Variants in MYBPC1 observed in about 807,000 individuals in gnomAD.
MYBPC1 encodes the protein myosin binding protein C1.
MYBPC1 carries 52 observed loss-of-function variants against 147.1 expected under a neutral mutation model. The observed-to-expected ratio is 0.35, with a 90% CI of 0.28 to 0.45. The LOEUF is 0.45. Ranked by LOEUF, MYBPC1 falls within the 20% of genes least tolerant of loss-of-function variation. The pLI is 1.00. For synonymous variants in MYBPC1, 477 were observed against 475.9 expected, an observed-to-expected ratio of 1.00 and a Z score of -0.03; for missense variants, 1,228 against 1,440.3, an observed-to-expected ratio of 0.85 and a Z score of 2.39.
intron 1 of MYBPC1, among the ~76,000 whole-genome samples, chr12:101,611,260 T>C (rs1014388441): frequency 1.3e-5 from 2 of 152,256 alleles, no homozygotes; most frequent in Non-Finnish European, 2.9e-5. Context: ...ATGACCAATA[T>C]TTTGTGGATT....
intron 18 of MYBPC1, among the ~76,000 whole-genome samples, chr12:101,653,861 C>T (rs921400095): frequency 2.7e-5 from 4 of 148,962 alleles, no homozygotes; most frequent in African/African-American, 7.4e-5. Context: ...AGTGTGACTC[C>T]GTGGCTTTCT....
chr12:101,629,245 C>A (rs939779426), intron 5 of MYBPC1, 189 bp from the exon 6 acceptor site: 5 of 624,558 alleles, frequency 8.0e-6, no homozygotes, highest in Non-Finnish European at 8.7e-6. Flanking sequence ...GGAAGAGATA[C>A]CCCTGTAAGA....
chr12:101,681,594 T>A (rs2033181), intron 29 of MYBPC1, among the ~76,000 whole-genome samples: 656 of 13,098 alleles, frequency 0.05, 1 homozygote, highest in East Asian at 0.075. Flanking sequence ...ATATATATAT[T>A]TTTTTTTTTT....
At chr12:101,684,347 A>G (rs1357121462) in intron 30 of MYBPC1, 35 bp from the exon 31 acceptor site, 83 of 1,463,588 alleles carry the variant, frequency 5.7e-5, no homozygotes, top group Non-Finnish European at 6.9e-5. Flanking sequence ...AATGCTTACG[A>G]CTTCTCTCTC....
At chr12:101,616,450 T>A (rs908107576) in intron 2 of MYBPC1, among the ~76,000 whole-genome samples, 4 of 152,190 alleles carry the variant, frequency 2.6e-5, no homozygotes, top group African/African-American at 9.6e-5. Context: ...TGCTCAAATG[T>A]CTCCTCCCAA....
rs1894873069 is a variant in MYBPC1, at chr12:101,653,196, T to G, written c.1715T>G (p.Ile572Ser). The change falls in exon 18 of 32, where the codon ATC becomes AGC. Residue 572 changes from isoleucine (I) to serine (S), a missense_variant. Physicochemically the swap from Ile to Ser is moderately radical, Grantham distance 142 (BLOSUM62 -2). Transcript: ENST00000361466. ...VIAGNKLRLE[I>S]PISGEPPPKA... ...GCAGGAAACAAGCTTCGTCTTGAGA[T>G]CCCCATCAGCGGAGAACCACCTCCT... The G allele has an allele frequency of 6.2e-7, 1 of 1,613,968 alleles. No individual in the cohort carries two copies. The highest frequency in any genetic ancestry group is 1.3e-5 in the African/African-American group (1 of 74,874).
intron 28 of MYBPC1, 41 bp downstream of exon 28, chr12:101,678,279 T>G (rs772994705): frequency 1.9e-5 from 30 of 1,608,008 alleles, no homozygotes; most frequent in East Asian, 6.7e-5. Flanking sequence ...GTCCCTGTCT[T>G]GTATTTGTTG....
At chr12:101,634,665 A>T in intron 9 of MYBPC1, 60 bp downstream of exon 9, 1 of 1,346,730 alleles carries the variant, frequency 7.4e-7, no homozygotes, top group East Asian at 2.3e-5. Flanking sequence ...AGGATTTTCA[A>T]ACACATTTCC....
intron 28 of MYBPC1, among the ~76,000 whole-genome samples, chr12:101,679,640 G>A (rs1053048518): frequency 6.6e-6 from 1 of 152,204 alleles, no homozygotes; most frequent in Non-Finnish European, 1.5e-5. Context: ...TACTGATCTT[G>A]CATTATCTGA....
chr12:101,689,123 T>C (rs1951386400), downstream of MYBPC1, among the ~76,000 whole-genome samples: 1 of 152,200 alleles, frequency 6.6e-6, no homozygotes, highest in Non-Finnish European at 1.5e-5. Context: ...GTATTCGTTA[T>C]TGTCAATGTG....
At chr12:101,638,962 C>T (rs989749858) in intron 10 of MYBPC1, among the ~76,000 whole-genome samples, 1 of 143,846 alleles carries the variant, frequency 7.0e-6, no homozygotes, top group African/African-American at 2.5e-5. Context: ...GTTTTCATTG[C>T]GGTAATGACA....
In MYBPC1 at chr12:101,636,692, C is replaced by T; in HGVS notation, c.629C>T (p.Ala210Val). Residue 210 changes from alanine to valine, a missense_variant, in exon 10 of 32, where the codon GCA becomes GTA. By Grantham distance (64) the Ala-to-Val change is moderately conservative. Coordinates refer to ENST00000361466, the MANE Select transcript of MYBPC1 (RefSeq NM_002465.4). ...FKRSGEGQED[A>V]GELDFSGLLK... ...GACAGTGGAGAAGGTCAAGAGGATG[C>T]AGGAGAACTTGACTTTAGTGGTCTC... 1 of 1,613,584 alleles carries T rather than the reference C, an allele frequency of 6.2e-7. No individual in the cohort carries two copies.
chr12:101,642,516 G>A lies in MYBPC1; in HGVS notation c.763G>A (p.Gly255Arg). The A allele has an allele frequency of 6.2e-7, 1 of 1,613,810 alleles. No homozygotes were observed. The highest frequency in any genetic ancestry group is 8.5e-7 in the Non-Finnish European group (1 of 1,179,918). The change falls in exon 11 of 32, where the codon GGA becomes AGA. Residue 255 changes from glycine (G) to arginine (R), a missense_variant. Physicochemically the swap from Gly to Arg is moderately radical, Grantham distance 125. Around this residue, in one of 2 missense-constraint regions of MYBPC1, gnomAD observed 1,077 missense variants for 1,314.2 expected, o/e 0.82. Coordinates refer to ENST00000361466, the MANE Select transcript of MYBPC1 (RefSeq NM_002465.4). ...GTACGAGAAGATCGCCTTCCAGTAT[G>A]GAATCACCGACCTGCGCGGCATGCT... ...SEYEKIAFQY[G>R]ITDLRGMLKR... is the part of the protein sequence containing the mutation.
intron 1 of MYBPC1, among the ~76,000 whole-genome samples, chr12:101,604,394 T>G (rs1881336957): frequency 6.6e-6 from 1 of 152,232 alleles, no homozygotes; most frequent in Non-Finnish European, 1.5e-5. Context: ...AGACTTCATC[T>G]ATTCAGAACA....
intron 24 of MYBPC1, 57 bp downstream of exon 24, chr12:101,670,466 T>A: frequency 1.4e-6 from 2 of 1,384,556 alleles, no homozygotes; most frequent in Non-Finnish European, 2.1e-6. Flanking sequence ...GTTTAGGAAG[T>A]GGGAAGAGGT....
Position 101,607,262 on chromosome 12 carries a change from G to C in MYBPC1, c.26-7234G>C, listed in dbSNP as rs77650473. 0.013 allele frequency among the ~76,000 whole-genome samples: 1,981 copies of C among 152,230 alleles called. 95 individuals are homozygous for C. In the East Asian group the frequency reaches 0.15, roughly 11 times the overall value. On this transcript the variant is annotated intron_variant, in intron 1 of 31. Transcript: ENST00000361466. ...GTCCAGGTTGGAGTATGCATATTGTGTCAGACCCCACCATCAAGAGGGGAG... is the reference window on the plus strand; with the variant it reads ...GTCCAGGTTGGAGTATGCATATTGTCTCAGACCCCACCATCAAGAGGGGAG...
intron 28 of MYBPC1, among the ~76,000 whole-genome samples, chr12:101,679,687 G>A (rs1234636773): frequency 6.6e-6 from 1 of 152,076 alleles, no homozygotes; most frequent in Non-Finnish European, 1.5e-5. Context: ...GATGAATATA[G>A]ACATCAGAGG....
At chr12:101,601,340 A>T (rs1879852371) in intron 1 of MYBPC1, among the ~76,000 whole-genome samples, 1 of 152,198 alleles carries the variant, frequency 6.6e-6, no homozygotes, top group Non-Finnish European at 1.5e-5. Flanking sequence ...TACAAAGAGT[A>T]TGTTTGTTTT....
intron 22 of MYBPC1, chr12:101,666,766 T>C: frequency 6.2e-7 from 1 of 1,614,048 alleles, no homozygotes; most frequent in Non-Finnish European, 8.5e-7. Flanking sequence ...AACAGTCTGA[T>C]GAAAATGGGG....
Sources: gnomAD v4.1 joint callset for allele counts (sites outside exome capture counted in the v4.1 genomes callset) on GRCh38, gnomAD v4.1.1 for gene constraint, gnomAD v4.1.1 regional missense constraint, MANE v1.5 for transcripts, NCBI Gene and HGNC (gene_info 2026-07-23, HGNC 2026-07-21) for gene names.